ASPH: variants seen among roughly 807,000 people sequenced by gnomAD.
ASPH encodes aspartate beta-hydroxylase.
ASPH carries 100 observed loss-of-function variants against 118.4 expected under a neutral mutation model. That is an observed-to-expected ratio of 0.84 (90% CI 0.72 to 1.00). The LOEUF is 1.00. Ranked by LOEUF, ASPH falls within the 50% of genes least tolerant of loss-of-function variation. ASPH has a pLI of 0.00. For synonymous variants in ASPH, 315 were observed against 325.6 expected (o/e 0.97, Z 0.35); for missense variants, 920 against 919.5 (o/e 1.00, Z -0.01).
chr8:61,598,718 A>G (rs1451311510), intron 14 of ASPH, among the ~76,000 whole-genome samples: 1 of 152,256 alleles, frequency 6.6e-6, no homozygotes, highest in Non-Finnish European at 1.5e-5. Flanking sequence ...CACTTGGAAC[A>G]TTCTCCAGGT....
chr8:61,703,471 C>T (rs967807385), intron 1 of ASPH, among the ~76,000 whole-genome samples: 3 of 152,002 alleles, frequency 2.0e-5, no homozygotes, highest in Non-Finnish European at 4.4e-5. Context: ...TGTCTACATC[C>T]TAGCAGCAAA....
intron 3 of ASPH, among the ~76,000 whole-genome samples, chr8:61,667,087 A>G (rs192024241): frequency 8.1e-4 from 124 of 152,290 alleles, no homozygotes; most frequent in Non-Finnish European, 1.4e-3. Context: ...CTTAAAATAT[A>G]AATCACAAAA....
intron 14 of ASPH, among the ~76,000 whole-genome samples, chr8:61,600,394 A>G (rs924438722): frequency 2.0e-5 from 3 of 147,278 alleles, no homozygotes; most frequent in Non-Finnish European, 4.4e-5. Context: ...AAAGGGCAAG[A>G]AAAAGAAATA....
chr8:61,507,170 C>T lies in ASPH; in HGVS notation c.2127-3661G>A, dbSNP rs192349280. Among the ~76,000 whole-genome samples the T allele has an allele frequency of 4.5e-4, 69 of 152,186 alleles. 1 individual carries two copies. Among genetic ancestry groups the T allele is most frequent in the African/African-American group, 1.6e-3 (65 of 41,516 alleles). On this transcript the variant is annotated intron_variant, in intron 24 of 24. Coordinates refer to ENST00000379454, the MANE Select transcript of ASPH (RefSeq NM_004318.4). ...GAGAACTGGGAAAAGTTATTAGCACCGGAACACGCTGGTCACTCATGGAAC... is the reference window on the plus strand; with the variant it reads ...GAGAACTGGGAAAAGTTATTAGCACTGGAACACGCTGGTCACTCATGGAAC...
intron 1 of ASPH, among the ~76,000 whole-genome samples, chr8:61,689,099 A>G (rs1831721309): frequency 6.6e-6 from 1 of 152,238 alleles, no homozygotes; most frequent in African/African-American, 2.4e-5. Flanking sequence ...AAGTAAAGCA[A>G]AAGCAAATAT....
At chr8:61,677,317 T>G (rs2151553222) in intron 3 of ASPH, among the ~76,000 whole-genome samples, 1 of 152,244 alleles carries the variant, frequency 6.6e-6, no homozygotes, top group Non-Finnish European at 1.5e-5. Context: ...GGTATCAGAA[T>G]CTACCAAGCT....
intron 1 of ASPH, among the ~76,000 whole-genome samples, chr8:61,699,975 CA>C (rs1457580183): frequency 6.6e-6 from 1 of 152,222 alleles, no homozygotes; most frequent in African/African-American, 2.4e-5. Flanking sequence ...GGCAAAATGT[CA>C]GCTTCCCACA....
intron 1 of ASPH, among the ~76,000 whole-genome samples, chr8:61,706,721 G>A (rs1043080671): frequency 6.6e-6 from 1 of 152,180 alleles, no homozygotes; most frequent in African/African-American, 2.4e-5. Context: ...TAGTGAAAAA[G>A]GCAGGGTAGA....
intron 14 of ASPH, among the ~76,000 whole-genome samples, chr8:61,587,155 T>C (rs1200033835): frequency 1.3e-5 from 2 of 152,228 alleles, no homozygotes; most frequent in African/African-American, 4.8e-5. Flanking sequence ...TTTATTTGAC[T>C]TTCCTTCTCT....
At chr8:61,714,120 C>T (rs1589404629) in intron 1 of ASPH, 149 bp downstream of exon 1, 2 of 1,228,798 alleles carry the variant, frequency 1.6e-6, no homozygotes, top group East Asian at 6.5e-5. Context: ...AATGCGGCCT[C>T]CGCCCCGCGC....
Position 61,517,551 on chromosome 8 carries a change from C to G in ASPH, c.2103G>C (p.Lys701Asn). Reference sequence around the variant, plus strand: ...ACTTGGTCTCGTTGGCACATCGAATCTTGCAGCCTTCCTTGGGAATCACCA... The same window carrying G: ...ACTTGGTCTCGTTGGCACATCGAATGTTGCAGCCTTCCTTGGGAATCACCA... Reference protein sequence around the residue: ...LGLVIPKEGCKIRCANETKTW... With the variant: ...LGLVIPKEGCNIRCANETKTW... Residue 701 changes from lysine (K) to asparagine (N), a missense_variant, in exon 24 of 25, where the codon AAG (lysine) becomes AAC (asparagine). Coordinates refer to ENST00000379454, the MANE Select transcript of ASPH (RefSeq NM_004318.4). The G allele has an allele frequency of 6.2e-7, 1 of 1,614,140 alleles. No individual in the cohort carries two copies. The highest frequency in any genetic ancestry group is 1.1e-5 in the South Asian group (1 of 91,086).
At chr8:61,671,941 C>G (rs1006997471) in intron 3 of ASPH, among the ~76,000 whole-genome samples, 5 of 152,240 alleles carry the variant, frequency 3.3e-5, no homozygotes, top group Non-Finnish European at 5.9e-5. Flanking sequence ...TCAGACAGCT[C>G]TAGAATTGGT....
intron 17 of ASPH, among the ~76,000 whole-genome samples, chr8:61,565,706 A>G (rs1264701725): frequency 6.6e-6 from 1 of 151,878 alleles, no homozygotes; most frequent in Non-Finnish European, 1.5e-5. Flanking sequence ...ATGTAGACAA[A>G]ATCACTGTCT....
At chr8:61,662,373 G>A (rs1322072086) in intron 3 of ASPH, among the ~76,000 whole-genome samples, 8 of 152,038 alleles carry the variant, frequency 5.3e-5, no homozygotes, top group Non-Finnish European at 7.4e-5. Flanking sequence ...AGGTCTTCCC[G>A]AAAACAGCTT....
chr8:61,531,538 CTTG>C (rs1239531216), intron 21 of ASPH, among the ~76,000 whole-genome samples: 1 of 151,420 alleles, frequency 6.6e-6, no homozygotes, highest in Admixed American at 6.6e-5. Context: ...TAATTTTTTT[CTTG>C]TTATCTAGTG....
chr8:61,686,533 T>TA (rs1830613198), intron 1 of ASPH, among the ~76,000 whole-genome samples: 1 of 152,202 alleles, frequency 6.6e-6, no homozygotes. Context: ...ACTACATTTT[T>TA]ATAAACAGAA....
At position 61,526,900 on chromosome 8, in the gene ASPH, A is replaced by C. The variant is rs558227109; in HGVS notation, c.1765-788T>G. Among the ~76,000 whole-genome samples, 78 of 152,268 alleles carry C rather than the reference A, an allele frequency of 5.1e-4. 1 individual carries two copies. The highest frequency in any genetic ancestry group is 1.7e-3 in the African/African-American group (69 of 41,564). On this transcript the variant is annotated intron_variant, in intron 21 of 24. Coordinates refer to ENST00000379454, the MANE Select transcript of ASPH (RefSeq NM_004318.4). ...GGCAAAGGTGAGGATCTGAGCAGCA[A>C]ACTAAGATGGATTTCCATCAGGAGA...
chr8:61,610,445 C>T (rs1846965190), intron 14 of ASPH, among the ~76,000 whole-genome samples: 1 of 152,200 alleles, frequency 6.6e-6, no homozygotes, highest in Admixed American at 6.5e-5. Context: ...AATTAAACTT[C>T]TCTCTAAATC....
chr8:61,590,215 T>C (rs1840681236), intron 14 of ASPH, among the ~76,000 whole-genome samples: 1 of 151,236 alleles, frequency 6.6e-6, no homozygotes, highest in Non-Finnish European at 1.5e-5. Flanking sequence ...AGACACTGAC[T>C]TGCTTTCTCC....
Sources: allele counts gnomAD v4.1 joint callset (sites outside exome capture counted in the v4.1 genomes callset), GRCh38; gene constraint gnomAD v4.1.1; transcripts MANE v1.5; gene names NCBI Gene and HGNC (gene_info 2026-07-23, HGNC 2026-07-21).